RPS6KC1: variants seen among roughly 807,000 people sequenced by gnomAD.
The protein encoded by RPS6KC1 is ribosomal protein S6 kinase C1, also known as inactive ribosomal protein S6 kinase delta-1.
A neutral mutation model predicts 103.8 loss-of-function variants in RPS6KC1; 54 were observed. The ratio of observed to expected loss-of-function variants is 0.52; its 90% CI spans 0.42 to 0.65. The LOEUF (loss-of-function observed/expected upper bound fraction) is 0.65, where lower values mean the gene tolerates loss of function less well. Ranked by LOEUF, RPS6KC1 falls within the 30% of genes least tolerant of loss-of-function variation. The probability of loss-of-function intolerance (pLI) is 0.00; values close to 1 mark genes in which losing one functional copy is unlikely to be tolerated. For missense variants in RPS6KC1, 1,151 were observed against 1,253.8 expected (o/e 0.92, Z 1.24); for synonymous variants, 439 against 438.7 (o/e 1.00, Z -0.01).
chr1:213,839,213 C>T, the RPS6KC1 span, among the ~76,000 whole-genome samples: 1 of 152,026 alleles, frequency 6.6e-6, no homozygotes, highest in Non-Finnish European at 1.5e-5. Flanking sequence ...ACCAGAGAAC[C>T]AAGGAATATT....
chr1:213,628,066 G>T, the RPS6KC1 span, among the ~76,000 whole-genome samples: 1 of 152,082 alleles, frequency 6.6e-6, no homozygotes, highest in Non-Finnish European at 1.5e-5. Flanking sequence ...ACTTTTTTTG[G>T]TTGGTAAGCT....
chr1:213,281,280 T>A, the RPS6KC1 span, among the ~76,000 whole-genome samples: 8 of 152,224 alleles, frequency 5.3e-5, no homozygotes, highest in Admixed American at 5.2e-4. Context: ...TCCGAGTAAC[T>A]CTTCATAAAC....
chr1:213,151,375 G>T (rs1211004144), intron 6 of RPS6KC1, among the ~76,000 whole-genome samples: 1 of 137,058 alleles, frequency 7.3e-6, no homozygotes, highest in African/African-American at 2.8e-5. Flanking sequence ...CCCGGACGGG[G>T]CGGCTGGCCG....
At chr1:213,329,208 C>T in the RPS6KC1 span, among the ~76,000 whole-genome samples, 1 of 152,166 alleles carries the variant, frequency 6.6e-6, no homozygotes, top group Non-Finnish European at 1.5e-5. Flanking sequence ...GGAACGACTC[C>T]TTTCTTCCAG....
At chr1:213,549,053 C>A in the RPS6KC1 span, among the ~76,000 whole-genome samples, 15 of 152,212 alleles carry the variant, frequency 9.9e-5, no homozygotes, top group Non-Finnish European at 2.1e-4. Flanking sequence ...AGGCTGAATA[C>A]ATGCTTCTGG....
At chr1:213,649,529 T>A in the RPS6KC1 span, among the ~76,000 whole-genome samples, 9 of 152,098 alleles carry the variant, frequency 5.9e-5, no homozygotes, top group Non-Finnish European at 1.3e-4. Context: ...CCTTTCTCCC[T>A]TGCCTACCTG....
At chr1:213,613,011 G>A in the RPS6KC1 span, among the ~76,000 whole-genome samples, 1 of 152,146 alleles carries the variant, frequency 6.6e-6, no homozygotes, top group South Asian at 2.1e-4. Flanking sequence ...TCGCTTTTAT[G>A]TCTGCGGGCA....
the RPS6KC1 span, among the ~76,000 whole-genome samples, chr1:213,281,852 C>G: frequency 6.6e-6 from 1 of 152,210 alleles, no homozygotes; most frequent in Non-Finnish European, 1.5e-5. Context: ...GTCTCTACCT[C>G]TCCCGCCCAT....
the RPS6KC1 span, among the ~76,000 whole-genome samples, chr1:213,296,346 T>C: frequency 6.6e-6 from 1 of 152,078 alleles, no homozygotes; most frequent in African/African-American, 2.4e-5. Flanking sequence ...TCACCAAGGA[T>C]AATTAAGAGG....
the RPS6KC1 span, among the ~76,000 whole-genome samples, chr1:213,731,086 A>G: frequency 8.5e-4 from 129 of 152,108 alleles, 1 homozygote; most frequent in African/African-American, 2.9e-3. Flanking sequence ...GTAGGTATGC[A>G]GTCTTATTTC....
At chr1:213,363,231 C>T in the RPS6KC1 span, among the ~76,000 whole-genome samples, 1 of 152,184 alleles carries the variant, frequency 6.6e-6, no homozygotes. Flanking sequence ...CATCATTCAA[C>T]TTATTAGGTT....
chr1:213,241,080 T>G lies in RPS6KC1; in HGVS notation c.1604T>G (p.Met535Arg). Reference protein sequence around the residue: ...EPGSLNEEPFMKTEGNGVDTK... With the variant: ...EPGSLNEEPFRKTEGNGVDTK... ...GGGTCTTTGAATGAGGAGCCCTTCA[T>G]GAAGACTGAAGGGAATGGTGTTGAT... The change falls in exon 11 of 15, where the codon ATG becomes AGG. Residue 535 changes from methionine (M) to arginine (R), a missense_variant. By Grantham distance (91) the Met-to-Arg change is moderately conservative (BLOSUM62 -1). Around this residue, in one of 3 missense-constraint regions of RPS6KC1, gnomAD observed 959 missense variants for 1,006.3 expected, o/e 0.95. Transcript: ENST00000366960. The G allele has an allele frequency of 6.2e-7, 1 of 1,613,610 alleles. No individual in the cohort carries two copies. The highest frequency in any genetic ancestry group is 8.5e-7 in the Non-Finnish European group (1 of 1,179,914).
At chr1:213,527,461 C>G in the RPS6KC1 span, among the ~76,000 whole-genome samples, 1 of 152,134 alleles carries the variant, frequency 6.6e-6, no homozygotes, top group African/African-American at 2.4e-5. Flanking sequence ...ACTGTCTTTC[C>G]ATGATCTCAT....
chr1:213,802,010 A>G, the RPS6KC1 span, among the ~76,000 whole-genome samples: 1 of 152,206 alleles, frequency 6.6e-6, no homozygotes, highest in Non-Finnish European at 1.5e-5. Flanking sequence ...TGCTATTTGT[A>G]TACTCAGTTA....
chr1:213,250,745 A>G (rs1387711538), intron 12 of RPS6KC1, among the ~76,000 whole-genome samples: 1 of 152,192 alleles, frequency 6.6e-6, no homozygotes, highest in Non-Finnish European at 1.5e-5. Context: ...CTGGAATTAA[A>G]ATGAAATTTT....
At chr1:213,853,032 T>C in the RPS6KC1 span, among the ~76,000 whole-genome samples, 1 of 152,068 alleles carries the variant, frequency 6.6e-6, no homozygotes, top group African/African-American at 2.4e-5. Flanking sequence ...TTCACTCTAT[T>C]TTGCATCTGG....
At chr1:213,248,276 A>G (rs1159483054) in intron 12 of RPS6KC1, among the ~76,000 whole-genome samples, 2 of 152,192 alleles carry the variant, frequency 1.3e-5, no homozygotes, top group East Asian at 3.8e-4. Flanking sequence ...ATTTATGGTT[A>G]ATATTTAAAT....
intron 6 of RPS6KC1, among the ~76,000 whole-genome samples, chr1:213,130,434 T>C (rs986576491): frequency 6.6e-6 from 1 of 152,204 alleles, no homozygotes; most frequent in Non-Finnish European, 1.5e-5. Flanking sequence ...GTATCAGCTA[T>C]TGTTTTAACC....
the RPS6KC1 span, among the ~76,000 whole-genome samples, chr1:213,854,644 A>G: frequency 6.7e-6 from 1 of 149,210 alleles, no homozygotes; most frequent in Non-Finnish European, 1.5e-5. Context: ...TAATGGTACT[A>G]CTTTCCAGAC....
Sources: allele counts gnomAD v4.1 joint callset (sites outside exome capture counted in the v4.1 genomes callset), GRCh38; gene constraint gnomAD v4.1.1; regional missense constraint gnomAD v4.1.1; transcripts MANE v1.5; gene names NCBI Gene and HGNC (gene_info 2026-07-23, HGNC 2026-07-21).